LRP1B: variants seen among roughly 807,000 people sequenced by gnomAD.
LRP1B encodes low-density lipoprotein receptor-related protein 1B.
LRP1B carries 217 observed loss-of-function variants against 556.6 expected under a neutral mutation model. That is an observed-to-expected ratio of 0.39 (90% CI 0.35 to 0.44). The LOEUF is 0.44. Among genes scored for constraint, LRP1B ranks in the 20% least tolerant of loss-of-function variants. The probability of loss-of-function intolerance (pLI) is 1.00; values close to 1 mark genes in which losing one functional copy is unlikely to be tolerated. For synonymous variants in LRP1B, 2,047 were observed against 1,865.8 expected (o/e 1.10, Z -2.50); for missense variants, 5,053 against 5,620.8 (o/e 0.90, Z 3.23).
chr2:140,293,439 C>T (rs1274150148), intron 84 of LRP1B, among the ~76,000 whole-genome samples: 5 of 152,070 alleles, frequency 3.3e-5, no homozygotes, highest in Non-Finnish European at 7.4e-5. Flanking sequence ...GCCTCTCCTC[C>T]CTGGGCTGCT....
At chr2:140,324,727 A>C (rs1403434964) in intron 80 of LRP1B, among the ~76,000 whole-genome samples, 1 of 151,964 alleles carries the variant, frequency 6.6e-6, no homozygotes, top group Non-Finnish European at 1.5e-5. Flanking sequence ...AACGACATTT[A>C]TATTTTACTA....
intron 2 of LRP1B, among the ~76,000 whole-genome samples, chr2:141,482,893 A>G (rs1294468124): frequency 6.6e-6 from 1 of 152,198 alleles, no homozygotes; most frequent in Non-Finnish European, 1.5e-5. Flanking sequence ...TGTTATAGTC[A>G]GAAAACAAAA....
At chr2:141,111,524 T>G (rs1700750079) in intron 7 of LRP1B, among the ~76,000 whole-genome samples, 1 of 152,146 alleles carries the variant, frequency 6.6e-6, no homozygotes, top group Non-Finnish European at 1.5e-5. Flanking sequence ...TTTGTGCACT[T>G]AAGGGACCTT....
chr2:141,647,871 G>A (rs1689639110), intron 2 of LRP1B, among the ~76,000 whole-genome samples: 2 of 151,738 alleles, frequency 1.3e-5, no homozygotes, highest in South Asian at 4.2e-4. Flanking sequence ...TTATTATTTG[G>A]AGTATGCCAA....
intron 41 of LRP1B, among the ~76,000 whole-genome samples, chr2:140,627,997 G>A (rs1683729896): frequency 6.6e-6 from 1 of 152,200 alleles, no homozygotes; most frequent in Admixed American, 6.5e-5. Context: ...AATCTGAACA[G>A]TTGTTAAGCA....
Position 142,014,175 on chromosome 2 carries a change from G to T in LRP1B, c.82+116473C>A, listed in dbSNP as rs564655110. ...GGAGTAGCTGTACTTTCACCACTTC[G>T]CTTTCTTAATAAACTTGTTTTCACT... On this transcript the variant is annotated intron_variant, in intron 1 of 90. Coordinates refer to ENST00000389484, the MANE Select transcript of LRP1B (RefSeq NM_018557.3). 1.0e-3 allele frequency among the ~76,000 whole-genome samples: 156 copies of T among 152,018 alleles called. 1 individual carries two copies. Among genetic ancestry groups the T allele is most frequent in the Non-Finnish European group, 1.8e-4 (12 of 68,000 alleles).
intron 3 of LRP1B, among the ~76,000 whole-genome samples, chr2:141,425,864 G>T (rs1257432388): frequency 6.6e-6 from 1 of 150,444 alleles, no homozygotes; most frequent in South Asian, 2.2e-4. Context: ...CTCCCATTTT[G>T]TAGGTTGCCT....
At chr2:141,880,852 C>T (rs1698935372) in intron 1 of LRP1B, among the ~76,000 whole-genome samples, 1 of 146,096 alleles carries the variant, frequency 6.8e-6, no homozygotes, top group African/African-American at 2.5e-5. Context: ...ACTGTGAATA[C>T]AATACAAAAA....
At position 140,231,559 on chromosome 2, in the gene LRP1B, C is replaced by A. The variant is rs1451084292; in HGVS notation, c.*1627G>T. 6.6e-6 allele frequency: 1 copy of A among 151,558 alleles called. No individual in the cohort carries two copies. The highest frequency in any genetic ancestry group is 2.4e-5 in the African/African-American group (1 of 41,252). 9.4% of individuals were successfully genotyped at this position (151,558 alleles called of 1,614,324 possible). ...AATACTGTTCAATTTAAAAAATGTA[C>A]TTAAACAAGAACCTGAAAAAGTTTA... On this transcript the variant is annotated 3_prime_UTR_variant, in exon 91 of 91. Coordinates refer to ENST00000389484, the MANE Select transcript of LRP1B (RefSeq NM_018557.3).
At chr2:140,673,943 T>C (rs959668355) in intron 41 of LRP1B, among the ~76,000 whole-genome samples, 1 of 145,666 alleles carries the variant, frequency 6.9e-6, no homozygotes, top group Non-Finnish European at 1.5e-5. Flanking sequence ...TTTTCTTTTT[T>C]CTTTTTTTTT....
At chr2:141,208,673 C>A (rs1360610660) in intron 6 of LRP1B, among the ~76,000 whole-genome samples, 1 of 151,706 alleles carries the variant, frequency 6.6e-6, no homozygotes, top group Non-Finnish European at 1.5e-5. Context: ...GGAGACCATC[C>A]TGGCTAACAC....
intron 1 of LRP1B, among the ~76,000 whole-genome samples, chr2:142,067,344 A>T (rs1265075619): frequency 2.0e-5 from 3 of 150,510 alleles, no homozygotes; most frequent in Admixed American, 6.7e-5. Flanking sequence ...ATAGACAGAT[A>T]AAAAAAAAGT....
chr2:142,086,141 G>C (rs1705911414), intron 1 of LRP1B, among the ~76,000 whole-genome samples: 1 of 152,140 alleles, frequency 6.6e-6, no homozygotes, highest in Non-Finnish European at 1.5e-5. Context: ...CTCAACAAGA[G>C]TGAAAATGTG....
intron 1 of LRP1B, among the ~76,000 whole-genome samples, chr2:141,930,861 A>G (rs1377016880): frequency 6.6e-6 from 1 of 152,046 alleles, no homozygotes; most frequent in Non-Finnish European, 1.5e-5. Flanking sequence ...TCTTAGCCTT[A>G]TATTTTCATA....
At chr2:140,998,375 G>A (rs1573965702) in intron 15 of LRP1B, among the ~76,000 whole-genome samples, 4 of 152,070 alleles carry the variant, frequency 2.6e-5, no homozygotes, top group African/African-American at 9.6e-5. Flanking sequence ...CACTGTCTTT[G>A]GAATCTAACT....
chr2:140,349,102 G>A (rs1681836970), intron 77 of LRP1B, among the ~76,000 whole-genome samples: 1 of 152,072 alleles, frequency 6.6e-6, no homozygotes, highest in African/African-American at 2.4e-5. Flanking sequence ...TCCCTCACTA[G>A]CTGTTAACCT....
At chr2:140,475,096 T>G in intron 60 of LRP1B, 42 bp downstream of exon 60, 1 of 977,820 alleles carries the variant, frequency 1.0e-6, no homozygotes, top group Non-Finnish European at 1.4e-6. Flanking sequence ...AAATATTTTA[T>G]GACCTGGTAA....
intron 77 of LRP1B, among the ~76,000 whole-genome samples, chr2:140,346,597 C>T (rs898116579): frequency 6.6e-6 from 1 of 151,812 alleles, no homozygotes; most frequent in Non-Finnish European, 1.5e-5. Context: ...TTTACCAGTA[C>T]CCAAATGTTC....
intron 2 of LRP1B, among the ~76,000 whole-genome samples, chr2:141,613,188 G>A (rs1270809527): frequency 2.0e-5 from 3 of 151,862 alleles, no homozygotes; most frequent in Non-Finnish European, 4.4e-5. Flanking sequence ...AAATTTCTTG[G>A]CTTTTTTGTT....
Sources: allele counts gnomAD v4.1 joint callset (sites outside exome capture counted in the v4.1 genomes callset), GRCh38; gene constraint gnomAD v4.1.1; transcripts MANE v1.5; gene names NCBI Gene and HGNC (gene_info 2026-07-23, HGNC 2026-07-21).